FBXW7: variants seen among roughly 807,000 people sequenced by gnomAD.
The protein encoded by FBXW7 is F-box and WD repeat domain containing 7, also known as F-box/WD repeat-containing protein 7.
Under a neutral mutation model 86.3 loss-of-function variants are expected in FBXW7, and 11 were observed. The observed-to-expected ratio is 0.13, with a 90% CI of 0.08 to 0.21. The LOEUF (loss-of-function observed/expected upper bound fraction) is 0.21. Among genes scored for constraint, FBXW7 ranks in the 10% least tolerant of loss-of-function variants. The pLI, the probability that FBXW7 is intolerant of heterozygous loss-of-function variation, is 1.00. For synonymous variants in FBXW7, 313 were observed against 297.9 expected, an observed-to-expected ratio of 1.05 and a Z score of -0.52; for missense variants, 488 against 847.4, an observed-to-expected ratio of 0.58 and a Z score of 5.27.
chr4:152,477,239 G>T (rs941486459), intron 2 of FBXW7, among the ~76,000 whole-genome samples: 7 of 152,084 alleles, frequency 4.6e-5, no homozygotes, highest in Admixed American at 1.3e-4. Flanking sequence ...TTGACAATGG[G>T]ACTCTAGTTC....
intron 2 of FBXW7, among the ~76,000 whole-genome samples, chr4:152,439,533 C>A (rs1033983886): frequency 1.3e-5 from 2 of 152,036 alleles, no homozygotes. Flanking sequence ...TCTTCAGAGA[C>A]AACTATACTG....
intron 2 of FBXW7, among the ~76,000 whole-genome samples, chr4:152,525,842 A>C (rs1296379316): frequency 2.0e-5 from 3 of 152,106 alleles, no homozygotes; most frequent in Non-Finnish European, 4.4e-5. Context: ...TGCTGGGTGG[A>C]ATGGTAGTTC....
intron 2 of FBXW7, among the ~76,000 whole-genome samples, chr4:152,418,127 CCACA>C (rs3047865): frequency 0.022 from 3,105 of 143,870 alleles, 32 homozygotes; most frequent in South Asian, 0.036. Context: ...ACAGCTCTTA[CCACA>C]CACACACACA....
chr4:152,501,387 A>G (rs1349738797), intron 2 of FBXW7, among the ~76,000 whole-genome samples: 2 of 152,212 alleles, frequency 1.3e-5, no homozygotes, highest in East Asian at 3.8e-4. Context: ...TCAAGACAGA[A>G]TGAAATAAAC....
chr4:152,327,228 C>T (rs968935644), intron 11 of FBXW7, among the ~76,000 whole-genome samples: 5 of 151,942 alleles, frequency 3.3e-5, no homozygotes, highest in African/African-American at 1.2e-4. Flanking sequence ...TGATACTCAT[C>T]CCCCAAATTT....
At chr4:152,373,250 C>T (rs1174672417) in intron 4 of FBXW7, among the ~76,000 whole-genome samples, 1 of 151,984 alleles carries the variant, frequency 6.6e-6, no homozygotes. Flanking sequence ...ATACAACGTA[C>T]TTCACAAGGT....
chr4:152,426,442 C>T (rs932050775), intron 2 of FBXW7, among the ~76,000 whole-genome samples: 5 of 151,810 alleles, frequency 3.3e-5, no homozygotes, highest in Admixed American at 6.6e-5. Context: ...CTCCGCCTCC[C>T]GGGTTCAAGC....
At chr4:152,347,884 C>CT (rs1731421458) in intron 5 of FBXW7, among the ~76,000 whole-genome samples, 2 of 152,056 alleles carry the variant, frequency 1.3e-5, no homozygotes, top group East Asian at 3.9e-4. Context: ...AACTATATTA[C>CT]TAACGTATTA....
chr4:152,391,963 T>G (rs1455109715), intron 4 of FBXW7, among the ~76,000 whole-genome samples: 1 of 152,136 alleles, frequency 6.6e-6, no homozygotes, highest in Non-Finnish European at 1.5e-5. Context: ...ATATGTAAGT[T>G]TGTCAGATAT....
At chr4:152,341,756 G>A (rs1185921103) in intron 6 of FBXW7, among the ~76,000 whole-genome samples, 3 of 152,154 alleles carry the variant, frequency 2.0e-5, no homozygotes, top group Non-Finnish European at 4.4e-5. Context: ...TTAGCAGCAA[G>A]GGACATATAC....
intron 2 of FBXW7, among the ~76,000 whole-genome samples, chr4:152,417,479 C>T (rs1244039776): frequency 3.3e-5 from 5 of 151,988 alleles, no homozygotes; most frequent in African/African-American, 7.3e-5. Context: ...GGAGTCAAAG[C>T]AGAATGAAAA....
chr4:152,499,909 A>G (rs1353599098), intron 2 of FBXW7, among the ~76,000 whole-genome samples: 1 of 152,138 alleles, frequency 6.6e-6, no homozygotes, highest in Non-Finnish European at 1.5e-5. Context: ...ATTTAGTCAC[A>G]GCCAAAAAGA....
At chr4:152,489,163 T>G (rs13147120) in intron 2 of FBXW7, among the ~76,000 whole-genome samples, 16 of 152,066 alleles carry the variant, frequency 1.1e-4, no homozygotes, top group Non-Finnish European at 1.6e-4. Context: ...TCTGTAAGGC[T>G]CAAGGGTATC....
chr4:152,361,574 A>G (rs1732945022), intron 4 of FBXW7, among the ~76,000 whole-genome samples: 1 of 152,200 alleles, frequency 6.6e-6, no homozygotes, highest in Admixed American at 6.5e-5. Context: ...TATCTTCTCA[A>G]CATTCTCATA....
chr4:152,528,833 T>A (rs1040668744), intron 2 of FBXW7, among the ~76,000 whole-genome samples: 2 of 152,152 alleles, frequency 1.3e-5, no homozygotes, highest in Non-Finnish European at 2.9e-5. Context: ...TTAAGTGATA[T>A]TAAAAATATT....
chr4:152,473,029 A>C (rs906537792), intron 2 of FBXW7, among the ~76,000 whole-genome samples: 4 of 152,154 alleles, frequency 2.6e-5, no homozygotes, highest in Non-Finnish European at 5.9e-5. Context: ...TTCCCGTAAA[A>C]TCTTGCTAAT....
intron 4 of FBXW7, among the ~76,000 whole-genome samples, chr4:152,388,869 G>C (rs1354162918): frequency 6.6e-6 from 1 of 152,116 alleles, no homozygotes; most frequent in Non-Finnish European, 1.5e-5. Context: ...CAGAATGGGA[G>C]AAAATATTTG....
chr4:152,512,964 C>T (rs28735544), intron 2 of FBXW7, among the ~76,000 whole-genome samples: 2 of 151,924 alleles, frequency 1.3e-5, no homozygotes, highest in Non-Finnish European at 2.9e-5. Context: ...CAGGTTCCAG[C>T]GATTCTCCTG....
At chr4:152,395,495 T>C (rs1736342010) in intron 4 of FBXW7, among the ~76,000 whole-genome samples, 1 of 152,094 alleles carries the variant, frequency 6.6e-6, no homozygotes, top group Non-Finnish European at 1.5e-5. Flanking sequence ...TTTTCCTACA[T>C]ATAGACCACT....
Sources: gnomAD v4.1 joint callset for allele counts (sites outside exome capture counted in the v4.1 genomes callset) on GRCh38, gnomAD v4.1.1 for gene constraint, MANE v1.5 for transcripts, NCBI Gene and HGNC (gene_info 2026-07-23, HGNC 2026-07-21) for gene names.